CFLAR: variants seen among roughly 807,000 people sequenced by gnomAD.
The protein encoded by CFLAR is CASP8 and FADD like apoptosis regulator, also known as CASP8 and FADD-like apoptosis regulator.
A neutral mutation model predicts 51.1 loss-of-function variants in CFLAR; 14 were observed. The observed-to-expected ratio is 0.27, with a 90% CI of 0.18 to 0.43. CFLAR has a LOEUF of 0.43. Among genes scored for constraint, CFLAR ranks in the 20% least tolerant of loss-of-function variants. The pLI is 1.00. For missense variants in CFLAR, 390 were observed against 566.5 expected, an observed-to-expected ratio of 0.69 and a Z score of 3.16; for synonymous variants, 210 against 211.6, an observed-to-expected ratio of 0.99 and a Z score of 0.06.
intron 2 of CFLAR, 62 bp downstream of exon 2, chr2:201,130,208 A>G (rs759198362): frequency 2.2e-5 from 31 of 1,399,386 alleles, no homozygotes; most frequent in East Asian, 1.0e-4. Flanking sequence ...CTCAGACTCT[A>G]CTGAATGGCA....
At position 201,132,433 on chromosome 2, in the gene CFLAR, ATAT is replaced by A; in HGVS notation, c.282-595_282-593del. On this transcript the variant is annotated intron_variant, in intron 2 of 9. Transcript: ENST00000309955. ...GTCTATTTCCTAGGGGGGGAAAAAT[ATAT>A]ATATATATATATATATATAGTGTTA... 1.8e-5 allele frequency among the ~76,000 whole-genome samples: 2 copies of A among 113,962 alleles called. 1 individual carries two copies. Among genetic ancestry groups the A allele is most frequent in the African/African-American group, 7.7e-5 (2 of 26,124 alleles). 74.8% of individuals were successfully genotyped at this position (113,962 alleles called of 152,430 possible). A position where few individuals can be genotyped will look rare whatever the true frequency, so the allele number is the denominator to read the frequency against.
At chr2:201,158,915 T>C (rs1283221672) in intron 8 of CFLAR, among the ~76,000 whole-genome samples, 1 of 151,358 alleles carries the variant, frequency 6.6e-6, no homozygotes, top group Non-Finnish European at 1.5e-5. Flanking sequence ...TTCTGCTCTG[T>C]TGCCCAGGCT....
chr2:201,134,795 C>G (rs573962109), intron 3 of CFLAR, among the ~76,000 whole-genome samples: 1 of 152,020 alleles, frequency 6.6e-6, no homozygotes, highest in African/African-American at 2.4e-5. Context: ...ACAATAGGTC[C>G]TCAAAATAGG....
chr2:201,125,025 C>A (rs997971811), intron 1 of CFLAR, among the ~76,000 whole-genome samples: 7 of 152,096 alleles, frequency 4.6e-5, no homozygotes, highest in African/African-American at 1.7e-4. Flanking sequence ...GAGGCACTGG[C>A]TTCAGGACAA....
rs1305408889 is a variant in CFLAR, at chr2:201,116,478, G to A, written c.-141G>A. On this transcript the variant is annotated 5_prime_UTR_variant, in exon 1 of 10. Coordinates refer to ENST00000309955, the MANE Select transcript of CFLAR (RefSeq NM_003879.7). The surrounding 1 kb of genome is among the most constrained non-coding windows in gnomAD (Gnocchi z 4.8). The stretch of plus-strand genomic sequence containing the variant: ...CGGCAGGAGAGTCCGGCCGCGACAG[G>A]ACGGTACGTGCCCCGCGCTCGACCC... 2 of 152,378 alleles carry A rather than the reference G, an allele frequency of 1.3e-5. No individual in the cohort carries two copies. Among genetic ancestry groups the A allele is most frequent in the East Asian group, 3.8e-4 (2 of 5,196 alleles). 9.4% of individuals were successfully genotyped at this position (152,378 alleles called of 1,614,324 possible).
Position 201,173,808 on chromosome 2 carries a change from A to T in CFLAR, c.*9835A>T, listed in dbSNP as rs1428249150. The stretch of plus-strand genomic sequence containing the variant: ...TGCCTCGGCCTCCCTAGTAACTGGG[A>T]TTACAGGCACCCACCATCACGCCTG... On this transcript the variant is annotated 3_prime_UTR_variant, in exon 10 of 10. Transcript: ENST00000309955. 1 of 151,558 alleles carries T rather than the reference A, an allele frequency of 6.6e-6. No homozygotes were observed. Among genetic ancestry groups the T allele is most frequent in the Non-Finnish European group, 1.5e-5 (1 of 67,986 alleles). 9.4% of individuals were successfully genotyped at this position (151,558 alleles called of 1,614,324 possible).
chr2:201,129,818 G>A lies in CFLAR; in HGVS notation c.-48G>A, dbSNP rs767502342. On this transcript the variant is annotated 5_prime_UTR_variant, in exon 2 of 10. Transcript: ENST00000309955. Reference sequence around the variant, plus strand: ...CTGCTGGCTTTCTGTTGACTGGCCCGGAGCTGTACTGCAAGACCCTTGTGA... The same window carrying A: ...CTGCTGGCTTTCTGTTGACTGGCCCAGAGCTGTACTGCAAGACCCTTGTGA... 2.0e-5 allele frequency: 32 copies of A among 1,577,378 alleles called. No homozygotes were observed. The highest frequency in any genetic ancestry group is 6.7e-5 in the African/African-American group (5 of 74,120).
chr2:201,170,051 C>G lies in CFLAR; in HGVS notation c.*6078C>G, dbSNP rs1943919451. 6.6e-6 allele frequency: 1 copy of G among 152,190 alleles called. No individual in the cohort carries two copies. The highest frequency in any genetic ancestry group is 6.5e-5 in the Admixed American group (1 of 15,282). 9.4% of individuals were successfully genotyped at this position (152,190 alleles called of 1,614,324 possible). On this transcript the variant is annotated 3_prime_UTR_variant, in exon 10 of 10. Coordinates refer to ENST00000309955, the MANE Select transcript of CFLAR (RefSeq NM_003879.7). ...CGTTGTGGAAGTGTGTGTGGCTATTCCTCAAAGATCTAGAACTAGAAATAC... is the reference window on the plus strand; with the variant it reads ...CGTTGTGGAAGTGTGTGTGGCTATTGCTCAAAGATCTAGAACTAGAAATAC...
intron 8 of CFLAR, 165 bp downstream of exon 8, chr2:201,150,000 G>A: frequency 1.8e-6 from 1 of 564,668 alleles, no homozygotes; most frequent in Non-Finnish European, 3.2e-6. Flanking sequence ...CCAGCACTTT[G>A]TGAGGCTGAG....
rs2048530184 is a variant in CFLAR, at chr2:201,124,822, TC to T, written c.-137-4906del. 6.6e-6 allele frequency among the ~76,000 whole-genome samples: 1 copy of T among 151,626 alleles called. No homozygotes were observed. On this transcript the variant is annotated intron_variant, in intron 1 of 9. Coordinates refer to ENST00000309955, the MANE Select transcript of CFLAR (RefSeq NM_003879.7). This position sits in a 1 kb window ranked among gnomAD's most constrained non-coding sequence, Gnocchi z 4.7. ...GGAGTAGAAGAAAGTTAGAGAAGGG[TC>T]TGTGTAGAATATAGTGGTGTGAGCT... is the stretch of plus-strand genomic sequence containing the variant.
Position 201,174,200 on chromosome 2 carries a change from T to G in CFLAR, c.*10227T>G, listed in dbSNP as rs1489734794. On this transcript the variant is annotated 3_prime_UTR_variant, in exon 10 of 10. Coordinates refer to ENST00000309955, the MANE Select transcript of CFLAR (RefSeq NM_003879.7). ...CATACCTAAAAAACCATTGTCTAAA[T>G]CAATTGCCTATGAGGTGTTACCCCT... is the stretch of plus-strand genomic sequence containing the variant. 1 of 152,186 alleles carries G rather than the reference T, an allele frequency of 6.6e-6. No homozygotes were observed. Among genetic ancestry groups the G allele is most frequent in the Non-Finnish European group, 1.5e-5 (1 of 68,022 alleles). 9.4% of individuals were successfully genotyped at this position (152,186 alleles called of 1,614,324 possible).
chr2:201,132,996 T>C, intron 2 of CFLAR, 33 bp from the exon 3 acceptor site: 1 of 1,602,542 alleles, frequency 6.2e-7, no homozygotes, highest in Non-Finnish European at 8.5e-7. Context: ...GACTGATGTC[T>C]GAATTAACTA....
chr2:201,150,499 A>C (rs1209114444), intron 8 of CFLAR: 3 of 152,276 alleles, frequency 2.0e-5, no homozygotes, highest in Non-Finnish European at 4.4e-5. Context: ...CCTGTCTCAA[A>C]AAAAGAAAAA....
At chr2:201,132,426 G>A (rs927985162) in intron 2 of CFLAR, among the ~76,000 whole-genome samples, 1 of 137,958 alleles carries the variant, frequency 7.2e-6, no homozygotes, top group African/African-American at 2.8e-5. Context: ...CCTAGGGGGG[G>A]AAAAATATAT....
chr2:201,128,581 TACTG>T (rs2125651648), intron 1 of CFLAR, among the ~76,000 whole-genome samples: 1 of 152,342 alleles, frequency 6.6e-6, no homozygotes, highest in East Asian at 1.9e-4. Flanking sequence ...TGTGGACTGA[TACTG>T]TATGTATATA....
intron 8 of CFLAR, among the ~76,000 whole-genome samples, chr2:201,158,279 C>T (rs1482623322): frequency 1.3e-5 from 2 of 152,200 alleles, no homozygotes; most frequent in Non-Finnish European, 2.9e-5. Flanking sequence ...CAGGGGCTTC[C>T]CCAGCCAGAA....
intron 6 of CFLAR, 159 bp from the exon 7 acceptor site, chr2:201,148,844 G>A: frequency 1.7e-6 from 1 of 574,880 alleles, no homozygotes; most frequent in East Asian, 2.9e-5. Context: ...TCTTCAGTGT[G>A]AGGTTGAAAC....
At chr2:201,131,830 C>G (rs1217736793) in intron 2 of CFLAR, among the ~76,000 whole-genome samples, 1 of 152,112 alleles carries the variant, frequency 6.6e-6, no homozygotes, top group Non-Finnish European at 1.5e-5. Context: ...ATGGGCCAGG[C>G]AGGCTGGGCC....
In CFLAR at chr2:201,171,745, GTCTT is replaced by G. The variant is rs1944033606; in HGVS notation, c.*7776_*7779del. On this transcript the variant is annotated 3_prime_UTR_variant, in exon 10 of 10. Transcript: ENST00000309955. ...ATTGCAGTTCAGTCAAACATTGGAAGTCTTTCTCTGACTGTCTAGTTGGTATCTT... is the reference window on the plus strand; with the variant it reads ...ATTGCAGTTCAGTCAAACATTGGAAGTCTCTGACTGTCTAGTTGGTATCTT... 6.6e-6 allele frequency: 1 copy of G among 151,266 alleles called. No individual in the cohort carries two copies. Among genetic ancestry groups the G allele is most frequent in the Admixed American group, 6.6e-5 (1 of 15,186 alleles). The allele number at this position is 151,266 out of a possible 1,614,324, so 9.4% of individuals were successfully genotyped here.
Sources: allele counts gnomAD v4.1 joint callset (sites outside exome capture counted in the v4.1 genomes callset), GRCh38; gene constraint gnomAD v4.1.1; non-coding constraint Gnocchi (gnomAD v3.1); transcripts MANE v1.5; gene names NCBI Gene and HGNC (gene_info 2026-07-23, HGNC 2026-07-21).